Variants in RFX3 observed in about 807,000 individuals in gnomAD.
RFX3 encodes the protein regulatory factor X3.
RFX3 carries 14 observed loss-of-function variants against 98.6 expected under a neutral mutation model. The observed-to-expected ratio is 0.14, with a 90% CI of 0.09 to 0.22. RFX3 has a LOEUF of 0.22. Among genes scored for constraint, RFX3 ranks in the 10% least tolerant of loss-of-function variants. The pLI, the probability that RFX3 is intolerant of heterozygous loss-of-function variation, is 1.00. For missense variants in RFX3, 639 were observed against 926.9 expected, an observed-to-expected ratio of 0.69 and a Z score of 4.03; for synonymous variants, 383 against 328.4, an observed-to-expected ratio of 1.17 and a Z score of -1.80.
At position 3,228,897 on chromosome 9, in the gene RFX3, AC is replaced by A. The variant is rs1251571633; in HGVS notation, c.1969-9del. 5 of 1,610,392 alleles carry A rather than the reference AC, an allele frequency of 3.1e-6. No homozygotes were observed. Among genetic ancestry groups the A allele is most frequent in the Admixed American group, 1.7e-5 (1 of 59,294 alleles). On this transcript the variant is annotated splice_polypyrimidine_tract_variant and intron_variant, in intron 15 of 16. Transcript: ENST00000617270. ...GGCATTTAAATCACCAAACTGCAAA[AC>A]AATAGTCATTTGTGCAATAGTTAAT... is the stretch of plus-strand genomic sequence containing the variant.
At chr9:3,408,639 C>G (rs866088537) in intron 1 of RFX3, among the ~76,000 whole-genome samples, 2 of 151,970 alleles carry the variant, frequency 1.3e-5, no homozygotes, top group Non-Finnish European at 2.9e-5. Context: ...CACACACGCA[C>G]GCACACATGG....
chr9:3,222,626 G>C lies in RFX3; in HGVS notation c.*2416C>G, dbSNP rs1401436913. ...ACAGGAAACTGAAAAAATTCAGAAA[G>C]GAGAGCCAAAATGAAGAGTGTTTTT... On this transcript the variant is annotated 3_prime_UTR_variant, in exon 17 of 17. Coordinates refer to ENST00000617270, the MANE Select transcript of RFX3 (RefSeq NM_001282116.2). 1 of 152,120 alleles carries C rather than the reference G, an allele frequency of 6.6e-6. No individual in the cohort carries two copies. Among genetic ancestry groups the C allele is most frequent in the Non-Finnish European group, 1.5e-5 (1 of 68,004 alleles). The allele number at this position is 152,120 out of a possible 1,614,324, so 9.4% of individuals were successfully genotyped here.
chr9:3,328,853 C>A (rs1832242215), intron 4 of RFX3, among the ~76,000 whole-genome samples: 1 of 152,160 alleles, frequency 6.6e-6, no homozygotes, highest in Admixed American at 6.5e-5. Context: ...ATTTCTATCT[C>A]TATTTCATTG....
At position 3,367,812 on chromosome 9, in the gene RFX3, C is replaced by G. The variant is rs369708776; in HGVS notation, c.118-21048G>C. ...AAGGATAATTCTTCCTCAAAAAGTT[C>G]GAATAGTTAAGTTACAAGCAAATTG... is the stretch of plus-strand genomic sequence containing the variant. On this transcript the variant is annotated intron_variant, in intron 2 of 16. Coordinates refer to ENST00000617270, the MANE Select transcript of RFX3 (RefSeq NM_001282116.2). Among the ~76,000 whole-genome samples, 18 of 152,138 alleles carry G rather than the reference C, an allele frequency of 1.2e-4. 1 individual carries two copies. Among genetic ancestry groups the G allele is most frequent in the East Asian group, 1.2e-3 (6 of 5,180 alleles).
intron 15 of RFX3, among the ~76,000 whole-genome samples, chr9:3,244,237 C>T (rs1044089313): frequency 6.6e-6 from 1 of 152,028 alleles, no homozygotes; most frequent in Non-Finnish European, 1.5e-5. Flanking sequence ...AACTCCTGAC[C>T]TCAGGTGATC....
chr9:3,254,693 G>A lies in RFX3; in HGVS notation c.1814+2298C>T, dbSNP rs114957245. Among the ~76,000 whole-genome samples, 518 of 152,102 alleles carry A rather than the reference G, an allele frequency of 3.4e-3. 8 individuals are homozygous for A. Among genetic ancestry groups the A allele is most frequent in the African/African-American group, 0.012 (508 of 41,494 alleles). On this transcript the variant is annotated intron_variant, in intron 14 of 16. Coordinates refer to ENST00000617270, the MANE Select transcript of RFX3 (RefSeq NM_001282116.2). ...GCTGGGATTACAGGCGTGAGCCATC[G>A]TGCCTGGCTGAAATCTTAAAAAATA... is the stretch of plus-strand genomic sequence containing the variant.
At chr9:3,413,437 T>C (rs1343116965) in intron 1 of RFX3, among the ~76,000 whole-genome samples, 4 of 152,126 alleles carry the variant, frequency 2.6e-5, no homozygotes, top group Admixed American at 6.6e-5. Flanking sequence ...TAGCTTATGA[T>C]TTGTTTAAGT....
chr9:3,272,430 A>C (rs1021124766), intron 9 of RFX3, among the ~76,000 whole-genome samples: 4 of 152,226 alleles, frequency 2.6e-5, no homozygotes, highest in African/African-American at 9.6e-5. Flanking sequence ...ACACACAATA[A>C]CTGGTATGAA....
chr9:3,441,395 G>T (rs534396891), intron 1 of RFX3, among the ~76,000 whole-genome samples: 5 of 152,232 alleles, frequency 3.3e-5, no homozygotes, highest in African/African-American at 1.2e-4. Flanking sequence ...CCTAGACACA[G>T]TGACACCCTG....
At chr9:3,310,275 T>C (rs1476388581) in intron 4 of RFX3, among the ~76,000 whole-genome samples, 2 of 152,146 alleles carry the variant, frequency 1.3e-5, no homozygotes, top group African/African-American at 2.4e-5. Flanking sequence ...ATCTATGCAA[T>C]GTCCCAAACA....
chr9:3,356,380 T>C (rs1280470458), intron 2 of RFX3, among the ~76,000 whole-genome samples: 2 of 151,902 alleles, frequency 1.3e-5, no homozygotes, highest in Non-Finnish European at 2.9e-5. Context: ...CAACGTAGTG[T>C]CAATAAATTC....
At chr9:3,524,969 T>C (rs1325835544) in intron 1 of RFX3, among the ~76,000 whole-genome samples, 1 of 148,948 alleles carries the variant, frequency 6.7e-6, no homozygotes, top group Non-Finnish European at 1.5e-5. Flanking sequence ...CAGGTTTCAA[T>C]ATGTGTGCAA....
At chr9:3,475,504 C>T (rs1430168356) in intron 1 of RFX3, among the ~76,000 whole-genome samples, 1 of 152,048 alleles carries the variant, frequency 6.6e-6, no homozygotes, top group Non-Finnish European at 1.5e-5. Flanking sequence ...TGCCTGGCAG[C>T]CAAGGCAGAC....
chr9:3,300,524 T>C (rs1365407396), intron 5 of RFX3, among the ~76,000 whole-genome samples: 1 of 151,824 alleles, frequency 6.6e-6, no homozygotes, highest in African/African-American at 2.4e-5. Context: ...ACATTTTCTA[T>C]GAGTAAAAGT....
chr9:3,393,087 T>A (rs368191212), intron 2 of RFX3, among the ~76,000 whole-genome samples: 3 of 151,784 alleles, frequency 2.0e-5, no homozygotes, highest in African/African-American at 7.3e-5. Context: ...GTGTGTGTGT[T>A]GTGTTAGGGA....
At chr9:3,377,832 A>T (rs765460055) in intron 2 of RFX3, among the ~76,000 whole-genome samples, 5 of 152,176 alleles carry the variant, frequency 3.3e-5, no homozygotes, top group Non-Finnish European at 7.4e-5. Context: ...CAAACAGTAC[A>T]CTTAAATAGG....
chr9:3,413,961 A>T lies in RFX3; in HGVS notation c.-8-18365T>A, dbSNP rs138291444. Among the ~76,000 whole-genome samples the T allele has an allele frequency of 4.3e-4, 66 of 152,218 alleles. 1 individual carries two copies. The East Asian group carries it at 0.012, about 28-fold the overall frequency. On this transcript the variant is annotated intron_variant, in intron 1 of 16. Coordinates refer to ENST00000617270, the MANE Select transcript of RFX3 (RefSeq NM_001282116.2). ...CAATAAATCAAGATTGTCTTCTTTC[A>T]TCTTTACCTCCTCTGTTACATCCAA...
At chr9:3,268,274 G>A (rs577477443) in intron 11 of RFX3, among the ~76,000 whole-genome samples, 60 of 151,870 alleles carry the variant, frequency 4.0e-4, no homozygotes, top group African/African-American at 1.3e-3. Flanking sequence ...ATGGTAGAGT[G>A]AAGTGCTAGT....
chr9:3,422,188 A>G (rs1843504173), intron 1 of RFX3, among the ~76,000 whole-genome samples: 1 of 152,166 alleles, frequency 6.6e-6, no homozygotes, highest in Non-Finnish European at 1.5e-5. Context: ...TCTTCCTGGC[A>G]CAAATAGCAA....
Sources: gnomAD v4.1 joint callset for allele counts (sites outside exome capture counted in the v4.1 genomes callset) on GRCh38, gnomAD v4.1.1 for gene constraint, MANE v1.5 for transcripts, NCBI Gene and HGNC (gene_info 2026-07-23, HGNC 2026-07-21) for gene names.